APP: variants seen among roughly 807,000 people sequenced by gnomAD.
The protein encoded by APP is amyloid-beta precursor protein.
A neutral mutation model predicts 101.4 loss-of-function variants in APP; 31 were observed. The observed-to-expected ratio is 0.31, with a 90% CI of 0.23 to 0.41. APP has a LOEUF of 0.41. Ranked by LOEUF, APP falls within the 10% of genes least tolerant of loss-of-function variation. The pLI, the probability that APP is intolerant of heterozygous loss-of-function variation, is 1.00. For missense variants in APP, 839 were observed against 1,003.7 expected, an observed-to-expected ratio of 0.84 and a Z score of 2.22; for synonymous variants, 366 against 364.4, an observed-to-expected ratio of 1.00 and a Z score of -0.05.
In APP at chr21:25,881,428, A is replaced by G. The variant is rs1568997318; in HGVS notation, c.*242T>C. On this transcript the variant is annotated 3_prime_UTR_variant, in exon 18 of 18. Coordinates refer to ENST00000346798, the MANE Select transcript of APP (RefSeq NM_000484.4). ...GATACAGCTAAATTCTTTACAGTAC[A>G]CAAAACCCATTAATAATGTAGTATA... 1.7e-6 allele frequency: 1 copy of G among 572,916 alleles called. No individual in the cohort carries two copies. The highest frequency in any genetic ancestry group is 3.1e-6 in the Non-Finnish European group (1 of 320,672). 35.5% of individuals were successfully genotyped at this position (572,916 alleles called of 1,614,324 possible).
At chr21:25,950,174 G>A (rs999858924) in intron 13 of APP, among the ~76,000 whole-genome samples, 1 of 152,092 alleles carries the variant, frequency 6.6e-6, no homozygotes, top group Non-Finnish European at 1.5e-5. Context: ...CCTCAACGGG[G>A]AACATTCATA....
At chr21:25,886,172 G>A (rs1368962409) in intron 17 of APP, among the ~76,000 whole-genome samples, 1 of 148,684 alleles carries the variant, frequency 6.7e-6, no homozygotes, top group Admixed American at 6.7e-5. Context: ...CAAGTCTGCG[G>A]AAAAAAAAAA....
chr21:26,014,455 T>TA (rs1398683511), intron 6 of APP, among the ~76,000 whole-genome samples: 4 of 152,336 alleles, frequency 2.6e-5, no homozygotes, highest in African/African-American at 7.2e-5. Flanking sequence ...TATCACCCAG[T>TA]AAATCCCTAT....
intron 5 of APP, among the ~76,000 whole-genome samples, chr21:26,047,536 G>A (rs911000408): frequency 1.3e-5 from 2 of 152,064 alleles, no homozygotes; most frequent in African/African-American, 4.8e-5. Context: ...CCGCCTGCAG[G>A]GCTACAGGAA....
intron 5 of APP, among the ~76,000 whole-genome samples, chr21:26,040,016 T>A (rs1032836699): frequency 7.9e-5 from 12 of 152,162 alleles, no homozygotes; most frequent in Admixed American, 6.5e-4. Context: ...TTTGGGATAT[T>A]TCCATACATA....
At position 26,127,433 on chromosome 21, in the gene APP, T is replaced by C. The variant is rs552542910; in HGVS notation, c.58-15287A>G. ...ATTAACTCTACTGGAATAACAAATA[T>C]ATACTAATAGGTTACATAAATCAAA... On this transcript the variant is annotated intron_variant, in intron 1 of 17. Coordinates refer to ENST00000346798, the MANE Select transcript of APP (RefSeq NM_000484.4). Among the ~76,000 whole-genome samples, 8 of 152,356 alleles carry C rather than the reference T, an allele frequency of 5.3e-5. No homozygotes were observed. In the South Asian group the frequency reaches 1.7e-3, roughly 32 times the overall value.
intron 2 of APP, among the ~76,000 whole-genome samples, chr21:26,104,747 A>G (rs2062141649): frequency 6.6e-6 from 1 of 152,228 alleles, no homozygotes; most frequent in East Asian, 1.9e-4. Flanking sequence ...TGTATTTATC[A>G]TCATGTTAAG....
At chr21:26,156,000 C>CA (rs757330872) in intron 1 of APP, among the ~76,000 whole-genome samples, 1,239 of 89,592 alleles carry the variant, frequency 0.014, 24 homozygotes, top group East Asian at 0.085. Context: ...GACTTCGTCT[C>CA]AAAAAAAAAA....
In APP at chr21:25,888,546, TAAAC is replaced by T. The variant is rs572407122; in HGVS notation, c.2211+3172_2211+3175del. ...TTGAGGGGAAGGAGCTGAGAGGAAA[TAAAC>T]AAAACAAACACGAATGAGGTGGAGC... On this transcript the variant is annotated intron_variant, in intron 17 of 17. Coordinates refer to ENST00000346798, the MANE Select transcript of APP (RefSeq NM_000484.4). Among the ~76,000 whole-genome samples, 430 of 151,928 alleles carry T rather than the reference TAAAC, an allele frequency of 2.8e-3. 3 individuals carry two copies. The highest frequency in any genetic ancestry group is 9.7e-3 in the African/African-American group (402 of 41,438).
intron 13 of APP, among the ~76,000 whole-genome samples, chr21:25,928,063 G>A (rs902716345): frequency 1.3e-5 from 2 of 152,146 alleles, no homozygotes; most frequent in Non-Finnish European, 2.9e-5. Context: ...ACAACTTTAT[G>A]GCCAGGCGCG....
chr21:26,002,988 C>T (rs757319633), intron 6 of APP, among the ~76,000 whole-genome samples: 4 of 152,064 alleles, frequency 2.6e-5, no homozygotes, highest in Non-Finnish European at 5.9e-5. Context: ...AACTATGTGC[C>T]CTTATGTGAA....
chr21:26,081,300 G>C (rs985415267), intron 3 of APP, among the ~76,000 whole-genome samples: 1 of 144,480 alleles, frequency 6.9e-6, no homozygotes, highest in Admixed American at 7.3e-5. Context: ...GGCAGGCTGA[G>C]TCCGAAAAAG....
At chr21:25,985,381 C>A (rs1375284678) in intron 8 of APP, among the ~76,000 whole-genome samples, 3 of 152,130 alleles carry the variant, frequency 2.0e-5, no homozygotes. Flanking sequence ...TAAAGTAAAT[C>A]ACCCTCCTCA....
intron 3 of APP, among the ~76,000 whole-genome samples, chr21:26,067,368 A>G (rs978932274): frequency 6.6e-6 from 1 of 152,112 alleles, no homozygotes; most frequent in Non-Finnish European, 1.5e-5. Flanking sequence ...ATGGGTGGCT[A>G]GTGGCCACCG....
intron 2 of APP, among the ~76,000 whole-genome samples, chr21:26,103,681 G>A (rs1312423108): frequency 6.6e-6 from 1 of 152,214 alleles, no homozygotes; most frequent in Non-Finnish European, 1.5e-5. Context: ...TCCATTTTAT[G>A]GGAAGCTCTC....
Position 25,897,631 on chromosome 21 carries a change from A to G in APP, c.2006T>C (p.Val669Ala), listed in dbSNP as rs758809412. ...TNIKTEEISE[V>A]KMDAEFRHDS... ...ATGTCGGAATTCTGCATCCATCTTCACTTCAGAGATCTCCTCCGTCTTGAT... is the reference window on the plus strand; with the variant it reads ...ATGTCGGAATTCTGCATCCATCTTCGCTTCAGAGATCTCCTCCGTCTTGAT... Residue 669 changes from valine (V) to alanine (A), a missense_variant, in exon 16 of 18, where the codon GTG becomes GCG. By Grantham distance (64) the Val-to-Ala change is moderately conservative. Coordinates refer to ENST00000346798, the MANE Select transcript of APP (RefSeq NM_000484.4). 1 of 1,613,980 alleles carries G rather than the reference A, an allele frequency of 6.2e-7. No individual in the cohort carries two copies. The highest frequency in any genetic ancestry group is 1.1e-5 in the South Asian group (1 of 91,074).
intron 17 of APP, among the ~76,000 whole-genome samples, chr21:25,885,527 C>A (rs1188011265): frequency 6.6e-6 from 1 of 152,200 alleles, no homozygotes; most frequent in Non-Finnish European, 1.5e-5. Context: ...CACATACATA[C>A]AACCACTGAA....
rs546367901 is a variant in APP at position 25,883,136 on chromosome 21, C to T, written c.2212-1365G>A. 5.3e-5 allele frequency among the ~76,000 whole-genome samples: 8 copies of T among 152,330 alleles called. No individual in the cohort carries two copies. In the East Asian group the frequency reaches 1.5e-3, roughly 29 times the overall value. ...CTGTCAATATGGCCGGGTGCAGTGG[C>T]TCACTCCTGTAATCCCAGCACTTTG... On this transcript the variant is annotated intron_variant, in intron 17 of 17. Transcript: ENST00000346798.
At chr21:26,013,063 TGCTAGCACTTTAGGAG>T (rs2043886266) in intron 6 of APP, among the ~76,000 whole-genome samples, 4 of 151,912 alleles carry the variant, frequency 2.6e-5, no homozygotes, top group African/African-American at 9.7e-5. Context: ...ACACCTGTAA[TGCTAGCACTTTAGGAG>T]GCCAAGGCAG....
Sources: gnomAD v4.1 joint callset for allele counts (sites outside exome capture counted in the v4.1 genomes callset) on GRCh38, gnomAD v4.1.1 for gene constraint, MANE v1.5 for transcripts, NCBI Gene and HGNC (gene_info 2026-07-23, HGNC 2026-07-21) for gene names.